Variants in ANK3 observed in about 807,000 individuals in gnomAD.
ANK3 encodes ankyrin 3, also known as ankyrin-3.
In ANK3, 57 loss-of-function variants were observed where a neutral mutation model predicts 370.9. The observed-to-expected ratio is 0.15, with a 90% CI of 0.12 to 0.19. The LOEUF (loss-of-function observed/expected upper bound fraction) is 0.19. ANK3 is among the 10% of genes least tolerant of loss of function. The pLI is 1.00. For missense variants in ANK3, 4,439 were observed against 5,302.1 expected, an observed-to-expected ratio of 0.84 and a Z score of 5.06; for synonymous variants, 1,929 against 1,946.3, an observed-to-expected ratio of 0.99 and a Z score of 0.23.
Position 60,186,762 on chromosome 10 carries a change from C to A in ANK3, c.2038G>T (p.Val680Leu). The change falls in exon 17 of 44, where the codon GTG (valine) becomes TTG (leucine). Residue 680 changes from valine (V) to leucine (L), a missense_variant. This residue lies in a region of ANK3 where 192 missense variants were observed against 192.1 expected (regional missense o/e 1.00). Transcript: ENST00000280772. ...LAAQEGHVDM[V>L]SLLLGRNANV... Reference sequence around the variant, plus strand: ...GCATTTCTACCGAGGAGCAGCGACACCATGTCCACGTGCCCTTCCTGAGCT... The same window carrying A: ...GCATTTCTACCGAGGAGCAGCGACAACATGTCCACGTGCCCTTCCTGAGCT... The A allele has an allele frequency of 6.2e-7, 1 of 1,614,136 alleles. No homozygotes were observed. Among genetic ancestry groups the A allele is most frequent in the Non-Finnish European group, 8.5e-7 (1 of 1,180,014 alleles).
At chr10:60,216,555 G>T (rs2096940086) in intron 8 of ANK3, among the ~76,000 whole-genome samples, 1 of 152,122 alleles carries the variant, frequency 6.6e-6, no homozygotes, top group African/African-American at 2.4e-5. Context: ...CTGTTTATGT[G>T]ATGGATTATG....
chr10:60,236,263 CA>C (rs1463272857), intron 7 of ANK3, among the ~76,000 whole-genome samples: 1 of 151,958 alleles, frequency 6.6e-6, no homozygotes, highest in Non-Finnish European at 1.5e-5. Flanking sequence ...GAGGACATCT[CA>C]AAAAATCACG....
At position 60,079,174 on chromosome 10, in the gene ANK3, T is replaced by TACACACACACACACACACACAC. The variant is rs58239281; in HGVS notation, c.4432+1341_4432+1362dup. ...ACTGGAAACCACCTAGCTACCTAGC[T>TACACACACACACACACACACAC]ACACACACACACACACACACACACA... On this transcript the variant is annotated intron_variant, in intron 36 of 43. Transcript: ENST00000280772. Among the ~76,000 whole-genome samples the TACACACACACACACACACACAC allele has an allele frequency of 1.4e-3, 160 of 113,838 alleles. 2 individuals are homozygous for TACACACACACACACACACACAC. Among genetic ancestry groups the TACACACACACACACACACACAC allele is most frequent in the East Asian group, 4.4e-3 (15 of 3,410 alleles). The allele number at this position is 113,838 out of a possible 152,430, so 74.7% of individuals were successfully genotyped here.
intron 26 of ANK3, among the ~76,000 whole-genome samples, chr10:60,109,743 CAT>C (rs1169427802): frequency 6.6e-6 from 1 of 152,090 alleles, no homozygotes; most frequent in African/African-American, 2.4e-5. Context: ...CTCTAAATAA[CAT>C]AATTCTGTCA....
Position 60,074,096 on chromosome 10 carries a change from C to G in ANK3, c.6785G>C (p.Gly2262Ala). The G allele has an allele frequency of 1.2e-6, 2 of 1,614,042 alleles. No individual in the cohort carries two copies. Among genetic ancestry groups the G allele is most frequent in the Non-Finnish European group, 1.7e-6 (2 of 1,179,980 alleles). ...MVYHSPPGGE[G>A]ASERIEETMS... ...GGTTTCTTCAATTCTTTCAGATGCA[C>G]CTTCACCGCCTGGTGGAGAATGATA... Residue 2262 changes from glycine (G) to alanine (A), a missense_variant, in exon 37 of 44, where the codon GGT (glycine) becomes GCT (alanine). Coordinates refer to ENST00000280772, the MANE Select transcript of ANK3 (RefSeq NM_020987.5).
Position 60,027,911 on chromosome 10 carries a change from TCTAGCAGGTTG to T in ANK3, c.*1924_*1934del, listed in dbSNP as rs1384908049. On this transcript the variant is annotated 3_prime_UTR_variant, in exon 44 of 44. Coordinates refer to ENST00000280772, the MANE Select transcript of ANK3 (RefSeq NM_020987.5). ...CTGGAGAGGGCAGGGACAACTTGGCTCTAGCAGGTTGTTACCTTCTGGGAATGAGGTCCATT... is the reference window on the plus strand; with the variant it reads ...CTGGAGAGGGCAGGGACAACTTGGCTTTACCTTCTGGGAATGAGGTCCATT... 3.9e-5 allele frequency: 6 copies of T among 152,220 alleles called. No homozygotes were observed. The highest frequency in any genetic ancestry group is 1.4e-4 in the African/African-American group (6 of 41,434). 9.4% of individuals were successfully genotyped at this position (152,220 alleles called of 1,614,324 possible). A position where few individuals can be genotyped will look rare whatever the true frequency, so the allele number is the denominator to read the frequency against.
At chr10:60,419,728 T>C (rs376231299) in intron 2 of ANK3, among the ~76,000 whole-genome samples, 1 of 152,146 alleles carries the variant, frequency 6.6e-6, no homozygotes, top group South Asian at 2.1e-4. Context: ...CCTACCTTTT[T>C]AAAAGAGAAA....
chr10:60,458,090 A>G (rs2064794267), intron 2 of ANK3, among the ~76,000 whole-genome samples: 1 of 152,154 alleles, frequency 6.6e-6, no homozygotes, highest in Non-Finnish European at 1.5e-5. Flanking sequence ...TAGCATGAAC[A>G]AAAAATGTTG....
rs569136976 is a variant in ANK3, at chr10:60,630,322, C to T, written c.58-15098G>A. 1.9e-3 allele frequency among the ~76,000 whole-genome samples: 283 copies of T among 152,068 alleles called. 1 individual carries two copies. The highest frequency in any genetic ancestry group is 6.6e-3 in the African/African-American group (275 of 41,502). ...GACATTAGAGTTAATTATAAAGATC[C>T]ATTTATAATCCATGCATATTATAAA... On this transcript the variant is annotated intron_variant, in intron 1 of 43. Transcript: ENST00000373827.
At chr10:60,514,787 T>G (rs144866987) in intron 2 of ANK3, among the ~76,000 whole-genome samples, 1 of 152,114 alleles carries the variant, frequency 6.6e-6, no homozygotes, top group Non-Finnish European at 1.5e-5. Flanking sequence ...AAAAAACTAG[T>G]GAATATGTTT....
At chr10:60,102,037 G>A (rs567500861) in intron 28 of ANK3, among the ~76,000 whole-genome samples, 108 of 151,674 alleles carry the variant, frequency 7.1e-4, no homozygotes, top group Non-Finnish European at 1.3e-3. Context: ...CTGTTTCCGG[G>A]TGGTGGCGAT....
chr10:60,279,706 G>A (rs758664897), intron 1 of ANK3, 67 bp from the exon 2 acceptor site: 1 of 1,175,484 alleles, frequency 8.5e-7, no homozygotes. Context: ...AAACTATCCA[G>A]CTTAAGGTCC....
chr10:60,458,972 A>G (rs947249499), intron 2 of ANK3, among the ~76,000 whole-genome samples: 2 of 152,180 alleles, frequency 1.3e-5, no homozygotes, highest in African/African-American at 4.8e-5. Flanking sequence ...AATGTTGATG[A>G]CATTTATTCT....
intron 36 of ANK3, among the ~76,000 whole-genome samples, chr10:60,078,712 G>T (rs1009223067): frequency 3.3e-5 from 5 of 152,176 alleles, no homozygotes; most frequent in Non-Finnish European, 5.9e-5. Flanking sequence ...GGGGGAAGGG[G>T]TTGGAAAGGC....
intron 2 of ANK3, among the ~76,000 whole-genome samples, chr10:60,547,238 C>G (rs537557975): frequency 1.5e-4 from 23 of 151,328 alleles, no homozygotes; most frequent in Admixed American, 1.3e-3. Context: ...TTACAGGCAC[C>G]TGCCACTATG....
chr10:60,225,132 C>T (rs1000121175), intron 8 of ANK3, among the ~76,000 whole-genome samples: 3 of 151,976 alleles, frequency 2.0e-5, no homozygotes, highest in Non-Finnish European at 2.9e-5. Context: ...AGGCTGGTCT[C>T]AAACTCCTGG....
At chr10:60,474,377 A>G (rs1188637193) in intron 2 of ANK3, among the ~76,000 whole-genome samples, 1 of 152,096 alleles carries the variant, frequency 6.6e-6, no homozygotes, top group Non-Finnish European at 1.5e-5. Context: ...GGCAGGACCA[A>G]CATTCTTTAG....
chr10:60,477,979 A>T (rs2075116305), intron 2 of ANK3, among the ~76,000 whole-genome samples: 1 of 152,082 alleles, frequency 6.6e-6, no homozygotes, highest in Non-Finnish European at 1.5e-5. Flanking sequence ...AAAATATATA[A>T]TTGACAAGTA....
intron 2 of ANK3, among the ~76,000 whole-genome samples, chr10:60,477,630 A>G (rs985909331): frequency 6.6e-6 from 1 of 151,988 alleles, no homozygotes; most frequent in Non-Finnish European, 1.5e-5. Flanking sequence ...ACAGTAACAT[A>G]ATAATAAATG....
Sources: allele counts gnomAD v4.1 joint callset (sites outside exome capture counted in the v4.1 genomes callset), GRCh38; gene constraint gnomAD v4.1.1; regional missense constraint gnomAD v4.1.1; transcripts MANE v1.5; gene names NCBI Gene and HGNC (gene_info 2026-07-23, HGNC 2026-07-21).